MAP7: variants seen among roughly 807,000 people sequenced by gnomAD.
MAP7 encodes ensconsin.
Under a neutral mutation model 94.8 loss-of-function variants are expected in MAP7, and 52 were observed. The ratio of observed to expected loss-of-function variants is 0.55; its 90% CI spans 0.44 to 0.69. The LOEUF is 0.69. MAP7 is among the 30% of genes least tolerant of loss of function. The pLI, the probability that MAP7 is intolerant of heterozygous loss-of-function variation, is 0.00. For missense variants in MAP7, 940 were observed against 964.6 expected (o/e 0.97, Z 0.34); for synonymous variants, 350 against 357.0 (o/e 0.98, Z 0.22).
intron 11 of MAP7, among the ~76,000 whole-genome samples, chr6:136,361,426 G>T (rs1161289455): frequency 6.6e-6 from 1 of 152,230 alleles, no homozygotes; most frequent in African/African-American, 2.4e-5. Context: ...CTTGGGGAGA[G>T]CTGGCTTTTT....
intron 1 of MAP7, among the ~76,000 whole-genome samples, chr6:136,468,980 C>T (rs1808055388): frequency 6.6e-6 from 1 of 151,876 alleles, no homozygotes; most frequent in South Asian, 2.1e-4. Flanking sequence ...TTAGCAAAAA[C>T]AGTTTTTTGT....
Position 136,345,765 on chromosome 6 carries a change from C to T in MAP7, c.2239+91G>A, listed in dbSNP as rs2128509967. 2.9e-6 allele frequency: 3 copies of T among 1,039,912 alleles called. No homozygotes were observed. The South Asian group carries it at 3.8e-5, about 13-fold the overall frequency. The allele number at this position is 1,039,912 out of a possible 1,614,324, so 64.4% of individuals were successfully genotyped here. On this transcript the variant is annotated intron_variant, in intron 17 of 17. Transcript: ENST00000354570. ...TGGTCCTTTGAAGAACAAAGTGTTA[C>T]CACAATCATACTGTAGAAGGCAGCA...
At chr6:136,387,069 C>T (rs150381777) in intron 5 of MAP7, among the ~76,000 whole-genome samples, 2,059 of 152,288 alleles carry the variant, frequency 0.014, 54 homozygotes, top group African/African-American at 0.047. Flanking sequence ...GCCTTGGCCT[C>T]CCAAAGCACT....
At chr6:136,350,075 T>A (rs934537375) in intron 16 of MAP7, among the ~76,000 whole-genome samples, 1 of 152,218 alleles carries the variant, frequency 6.6e-6, no homozygotes, top group South Asian at 2.1e-4. Flanking sequence ...CTCTCTCAAT[T>A]TGAATGAAAA....
chr6:136,386,103 C>A (rs892213101), intron 5 of MAP7, among the ~76,000 whole-genome samples: 1 of 152,122 alleles, frequency 6.6e-6, no homozygotes, highest in East Asian at 1.9e-4. Context: ...CAGTGCTAGT[C>A]GATGGCCAGC....
At chr6:136,403,432 C>T (rs1784732469) in intron 3 of MAP7, among the ~76,000 whole-genome samples, 1 of 152,212 alleles carries the variant, frequency 6.6e-6, no homozygotes, top group East Asian at 1.9e-4. Context: ...CCCGATGTCT[C>T]ACAACAAATA....
At chr6:136,403,818 C>T (rs544249555) in intron 3 of MAP7, among the ~76,000 whole-genome samples, 20 of 152,316 alleles carry the variant, frequency 1.3e-4, no homozygotes, top group African/African-American at 4.8e-4. Context: ...AGTCCTGAGC[C>T]TGACTCATGA....
At chr6:136,424,539 A>G (rs1792550661) in intron 1 of MAP7, among the ~76,000 whole-genome samples, 1 of 152,192 alleles carries the variant, frequency 6.6e-6, no homozygotes, top group Admixed American at 6.5e-5. Context: ...AAAACAAAAT[A>G]TAGAGGCATC....
At chr6:136,393,711 T>C (rs554838702) in intron 3 of MAP7, among the ~76,000 whole-genome samples, 4 of 152,020 alleles carry the variant, frequency 2.6e-5, no homozygotes, top group Admixed American at 1.3e-4. Flanking sequence ...TCACAGCTCA[T>C]TGCAACCTCA....
intron 5 of MAP7, among the ~76,000 whole-genome samples, chr6:136,385,912 A>G (rs1426093376): frequency 6.6e-6 from 1 of 152,174 alleles, no homozygotes; most frequent in Non-Finnish European, 1.5e-5. Flanking sequence ...CTGGGATTAC[A>G]GGCATGTGCC....
At chr6:136,470,464 T>C (rs1808596475) in intron 1 of MAP7, among the ~76,000 whole-genome samples, 1 of 152,154 alleles carries the variant, frequency 6.6e-6, no homozygotes, top group Non-Finnish European at 1.5e-5. Flanking sequence ...ATAGTTATCA[T>C]TTTGTGTGTG....
chr6:136,384,130 C>G (rs1158520882), intron 5 of MAP7, among the ~76,000 whole-genome samples: 2 of 152,144 alleles, frequency 1.3e-5, no homozygotes, highest in Non-Finnish European at 1.5e-5. Flanking sequence ...CCTTTGAAAT[C>G]TCCAAAAGAA....
At chr6:136,375,533 A>C (rs1775852023) in intron 7 of MAP7, among the ~76,000 whole-genome samples, 1 of 152,234 alleles carries the variant, frequency 6.6e-6, no homozygotes, top group South Asian at 2.1e-4. Context: ...AAAATGGGAA[A>C]ACATGAAAGA....
At chr6:136,513,604 T>C (rs1409588927) in intron 1 of MAP7, among the ~76,000 whole-genome samples, 1 of 152,152 alleles carries the variant, frequency 6.6e-6, no homozygotes, top group Non-Finnish European at 1.5e-5. Context: ...CAAACACCTG[T>C]TAATGTTGAT....
At chr6:136,526,716 C>G in intron 1 of MAP7, 2 of 981,284 alleles carry the variant, frequency 2.0e-6, no homozygotes, top group Non-Finnish European at 2.4e-6. Context: ...AGTATGGAGA[C>G]AGAAGCCTGA....
chr6:136,508,712 G>A (rs1247235215), intron 1 of MAP7, among the ~76,000 whole-genome samples: 1 of 151,968 alleles, frequency 6.6e-6, no homozygotes, highest in African/African-American at 2.4e-5. Context: ...AACCCAGGAT[G>A]GTTTTCCTTT....
intron 3 of MAP7, among the ~76,000 whole-genome samples, chr6:136,409,797 C>T (rs980228648): frequency 6.6e-6 from 1 of 152,206 alleles, no homozygotes; most frequent in African/African-American, 2.4e-5. Context: ...CCCTAGAGGG[C>T]TGGGTGTCAA....
chr6:136,516,164 ATT>A (rs11319446), intron 1 of MAP7, among the ~76,000 whole-genome samples: 5 of 145,824 alleles, frequency 3.4e-5, no homozygotes, highest in Admixed American at 6.9e-5. Context: ...GGAAATGACA[ATT>A]TTTTTTTTTT....
chr6:136,359,952 A>G (rs1299595858), intron 14 of MAP7, 29 bp downstream of exon 14: 1 of 1,610,938 alleles, frequency 6.2e-7, no homozygotes, highest in Admixed American at 1.7e-5. Context: ...AAGCATACAA[A>G]AGTAGTTAGA....
Sources: gnomAD v4.1 joint callset for allele counts (sites outside exome capture counted in the v4.1 genomes callset) on GRCh38, gnomAD v4.1.1 for gene constraint, MANE v1.5 for transcripts, NCBI Gene and HGNC (gene_info 2026-07-23, HGNC 2026-07-21) for gene names.